Variants in CLASP1 observed in about 807,000 individuals in gnomAD.
CLASP1 encodes cytoplasmic linker associated protein 1.
A neutral mutation model predicts 192.3 loss-of-function variants in CLASP1; 38 were observed. The observed-to-expected ratio is 0.20, with a 90% CI of 0.15 to 0.26. The LOEUF is 0.26. Ranked by LOEUF, CLASP1 falls within the 10% of genes least tolerant of loss-of-function variation. CLASP1 has a pLI of 1.00. For missense variants in CLASP1, 1,433 were observed against 1,932.5 expected (o/e 0.74, Z 4.85); for synonymous variants, 691 against 712.8 (o/e 0.97, Z 0.49).
intron 2 of CLASP1, among the ~76,000 whole-genome samples, chr2:121,577,857 T>C (rs925747935): frequency 6.6e-6 from 1 of 152,010 alleles, no homozygotes; most frequent in Non-Finnish European, 1.5e-5. Context: ...GGAGAAGTGC[T>C]TGAGTCCAGG....
At chr2:121,541,949 A>G (rs949191975) in intron 2 of CLASP1, among the ~76,000 whole-genome samples, 14 of 152,226 alleles carry the variant, frequency 9.2e-5, no homozygotes, top group African/African-American at 2.9e-4. Flanking sequence ...CAAAGTAGGC[A>G]TGAAATCTAG....
intron 8 of CLASP1, among the ~76,000 whole-genome samples, chr2:121,479,099 G>T (rs368374851): frequency 2.7e-5 from 3 of 109,982 alleles, no homozygotes; most frequent in Admixed American, 2.0e-4. Context: ...GTGAAAGACC[G>T]GATGCTTTCC....
At chr2:121,590,870 T>C (rs910455355) in intron 2 of CLASP1, among the ~76,000 whole-genome samples, 2 of 137,932 alleles carry the variant, frequency 1.4e-5, no homozygotes, top group Non-Finnish European at 3.2e-5. Flanking sequence ...TTATTTGATT[T>C]TTTTTTTTTT....
chr2:121,600,834 A>G (rs916046326), intron 2 of CLASP1, among the ~76,000 whole-genome samples: 8 of 152,224 alleles, frequency 5.3e-5, no homozygotes, highest in African/African-American at 1.4e-4. Flanking sequence ...TCACATGGTC[A>G]CATGCTTCAC....
chr2:121,364,939 G>T lies in CLASP1; in HGVS notation c.4077+155C>A, dbSNP rs932328440. The T allele has an allele frequency of 8.5e-5, 64 of 751,212 alleles. 1 individual carries two copies. The highest frequency in any genetic ancestry group is 9.1e-5 in the Admixed American group (4 of 43,902). 46.5% of individuals were successfully genotyped at this position (751,212 alleles called of 1,614,324 possible). ...ATAAAAACATGACCTTACTAAACGT[G>T]CTCAGAAAATATGTGAAAAATGAAC... On this transcript the variant is annotated intron_variant, in intron 36 of 39. Coordinates refer to ENST00000263710, the Ensembl canonical transcript of CLASP1.
chr2:121,459,708 G>C (rs2087496917), intron 12 of CLASP1: 1 of 281,598 alleles, frequency 3.6e-6, no homozygotes, highest in African/African-American at 2.2e-5. Context: ...GGATTTTATA[G>C]AATTTCACTT....
exon 22 of CLASP1, chr2:121,425,147 A>T (rs760577565): frequency 6.2e-7 from 1 of 1,610,988 alleles, no homozygotes; most frequent in Admixed American, 1.7e-5. Flanking sequence ...ACCTAATCCT[A>T]TTCGGTTTGG....
chr2:121,566,558 C>T (rs2059520344), intron 2 of CLASP1, among the ~76,000 whole-genome samples: 1 of 152,100 alleles, frequency 6.6e-6, no homozygotes, highest in African/African-American at 2.4e-5. Context: ...CTTAGGTGAG[C>T]GAGATTCAAA....
chr2:121,470,639 C>G, intron 8 of CLASP1: 1 of 451,702 alleles, frequency 2.2e-6, no homozygotes, highest in South Asian at 1.6e-5. Context: ...ATTGCCAATA[C>G]TTTCCTACAC....
At chr2:121,340,007 C>T (rs1454403065) in exon 40 of CLASP1, 1 of 152,314 alleles carries the variant, frequency 6.6e-6, no homozygotes, top group East Asian at 1.9e-4. Flanking sequence ...CCCATGACAA[C>T]AGTGTTCCCA....
intron 2 of CLASP1, among the ~76,000 whole-genome samples, chr2:121,576,225 G>A (rs1368171825): frequency 1.3e-5 from 2 of 152,128 alleles, no homozygotes; most frequent in Admixed American, 6.6e-5. Context: ...GATATGGGGT[G>A]AGAGGTACAG....
intron 32 of CLASP1, among the ~76,000 whole-genome samples, chr2:121,384,437 G>A (rs992783748): frequency 2.0e-5 from 3 of 151,810 alleles, no homozygotes; most frequent in Non-Finnish European, 2.9e-5. Context: ...ATCCTCCCAC[G>A]TTGGCCTCCC....
At chr2:121,573,263 AAC>A (rs1222341098) in intron 2 of CLASP1, among the ~76,000 whole-genome samples, 33 of 152,298 alleles carry the variant, frequency 2.2e-4, no homozygotes, top group Middle Eastern at 3.4e-3. Context: ...CCCAGCTGAA[AAC>A]ACAGTTTTCT....
intron 8 of CLASP1, among the ~76,000 whole-genome samples, chr2:121,489,703 A>C (rs1374842284): frequency 6.6e-6 from 1 of 152,236 alleles, no homozygotes; most frequent in Non-Finnish European, 1.5e-5. Flanking sequence ...ACTGAAACCT[A>C]ATCAAGAAGA....
At chr2:121,491,065 T>C (rs1258782583) in intron 8 of CLASP1, among the ~76,000 whole-genome samples, 1 of 152,260 alleles carries the variant, frequency 6.6e-6, no homozygotes, top group Non-Finnish European at 1.5e-5. Flanking sequence ...AATCTGTCAA[T>C]GGTCTGTTTT....
At chr2:121,384,108 G>GTA (rs746561487) in intron 32 of CLASP1, among the ~76,000 whole-genome samples, 198 of 93,304 alleles carry the variant, frequency 2.1e-3, no homozygotes, top group Admixed American at 3.1e-3. Context: ...ACATATATAT[G>GTA]TATATATATA....
chr2:121,475,384 C>A (rs2091467416), intron 8 of CLASP1, among the ~76,000 whole-genome samples: 1 of 152,176 alleles, frequency 6.6e-6, no homozygotes. Context: ...TAAAAGGAGG[C>A]TGGGTCATCA....
chr2:121,588,173 CAA>C (rs397769809), intron 2 of CLASP1, among the ~76,000 whole-genome samples: 1,790 of 60,930 alleles, frequency 0.029, 18 homozygotes, highest in African/African-American at 0.078. Context: ...GACTCCGTCT[CAA>C]AAAAAAAAAA....
At chr2:121,407,333 T>C in intron 25 of CLASP1, 138 bp downstream of exon 26, 1 of 930,430 alleles carries the variant, frequency 1.1e-6, no homozygotes, top group Non-Finnish European at 1.6e-6. Flanking sequence ...CTTTAGTGCC[T>C]GTTCCTGCAA....
Sources: allele counts gnomAD v4.1 joint callset (sites outside exome capture counted in the v4.1 genomes callset), GRCh38; gene constraint gnomAD v4.1.1; transcripts MANE v1.5; gene names NCBI Gene and HGNC (gene_info 2026-07-23, HGNC 2026-07-21).